The following ITGA8 variants were observed in gnomAD, a reference collection of about 807,000 sequenced individuals.
The protein encoded by ITGA8 is integrin alpha-8.
A neutral mutation model predicts 142.3 loss-of-function variants in ITGA8; 91 were observed. The ratio of observed to expected loss-of-function variants is 0.64; its 90% CI spans 0.54 to 0.76. ITGA8 has a LOEUF of 0.76. ITGA8 is among the 30% of genes least tolerant of loss of function. The probability of loss-of-function intolerance (pLI) is 0.00; values close to 1 mark genes in which losing one functional copy is unlikely to be tolerated. For missense variants in ITGA8, 1,406 were observed against 1,327.7 expected, an observed-to-expected ratio of 1.06 and a Z score of -0.92; for synonymous variants, 505 against 485.2, an observed-to-expected ratio of 1.04 and a Z score of -0.54.
At chr10:15,529,124 G>A (rs987271934) in intron 28 of ITGA8, among the ~76,000 whole-genome samples, 2 of 149,896 alleles carry the variant, frequency 1.3e-5, no homozygotes, top group Non-Finnish European at 3.0e-5. Flanking sequence ...ACGAGGTCTC[G>A]CCCAGGTTGA....
At chr10:15,665,314 C>A (rs1469148182) in intron 8 of ITGA8, among the ~76,000 whole-genome samples, 1 of 152,196 alleles carries the variant, frequency 6.6e-6, no homozygotes, top group Admixed American at 6.5e-5. Context: ...TAAATGTCTT[C>A]TTTTGAGAAA....
At chr10:15,670,988 C>A (rs1314647680) in intron 8 of ITGA8, among the ~76,000 whole-genome samples, 1 of 152,200 alleles carries the variant, frequency 6.6e-6, no homozygotes, top group African/African-American at 2.4e-5. Context: ...TTTCTTAACA[C>A]CACAGCTTTT....
intron 21 of ITGA8, chr10:15,596,847 G>A (rs543805641): frequency 5.3e-6 from 1 of 187,738 alleles, no homozygotes; most frequent in African/African-American, 2.3e-5. Context: ...GTCCTAATTT[G>A]GTTATTTTTA....
intron 16 of ITGA8, among the ~76,000 whole-genome samples, 172 bp from the exon 17 acceptor site, chr10:15,608,003 A>G (rs1266174649): frequency 6.6e-6 from 1 of 152,178 alleles, no homozygotes; most frequent in Non-Finnish European, 1.5e-5. Context: ...CAAGCTACAA[A>G]TGTTTTATAA....
chr10:15,542,913 C>A (rs2131553013), intron 27 of ITGA8, among the ~76,000 whole-genome samples: 1 of 152,282 alleles, frequency 6.6e-6, no homozygotes, highest in Middle Eastern at 3.4e-3. Flanking sequence ...AGACAAACAT[C>A]CCTCTTTGGA....
At chr10:15,664,552 C>A (rs1164583991) in intron 8 of ITGA8, among the ~76,000 whole-genome samples, 1 of 150,920 alleles carries the variant, frequency 6.6e-6, no homozygotes, top group Non-Finnish European at 1.5e-5. Context: ...TTTTAGGGTA[C>A]ATGTGCACAA....
intron 20 of ITGA8, among the ~76,000 whole-genome samples, 170 bp from the exon 21 acceptor site, chr10:15,597,469 A>G (rs1211674726): frequency 6.6e-6 from 1 of 152,214 alleles, no homozygotes; most frequent in Non-Finnish European, 1.5e-5. Flanking sequence ...GAGAGAGAAA[A>G]GTAAAAGTTA....
chr10:15,547,587 AC>A (rs1358254132), intron 27 of ITGA8, among the ~76,000 whole-genome samples: 3 of 152,076 alleles, frequency 2.0e-5, no homozygotes, highest in Non-Finnish European at 4.4e-5. Context: ...AGCAACAACA[AC>A]AAAAAAAAGT....
chr10:15,648,844 C>A (rs950081077), intron 11 of ITGA8, among the ~76,000 whole-genome samples: 4 of 152,182 alleles, frequency 2.6e-5, no homozygotes, highest in Non-Finnish European at 5.9e-5. Flanking sequence ...TGATAAGTGG[C>A]TTTAATGCAA....
chr10:15,670,927 C>T (rs564907217), intron 8 of ITGA8, among the ~76,000 whole-genome samples: 4 of 152,272 alleles, frequency 2.6e-5, no homozygotes, highest in South Asian at 2.1e-4. Context: ...AGAAGTTGGC[C>T]CCTGCCCCTT....
intron 4 of ITGA8, 120 bp downstream of exon 4, chr10:15,683,884 C>T (rs539811794): frequency 4.9e-4 from 584 of 1,183,528 alleles, no homozygotes; most frequent in Non-Finnish European, 6.1e-4. Flanking sequence ...TACCTACCCC[C>T]GAAGCTTTTT....
intron 4 of ITGA8, among the ~76,000 whole-genome samples, chr10:15,682,501 A>G (rs762474569): frequency 1.2e-4 from 19 of 152,186 alleles, no homozygotes; most frequent in East Asian, 1.9e-4. Context: ...TTACCTCAGT[A>G]TTTTTAAACA....
chr10:15,713,845 GTTTTC>G (rs1431271443), intron 2 of ITGA8, among the ~76,000 whole-genome samples: 2 of 151,816 alleles, frequency 1.3e-5, no homozygotes, highest in East Asian at 3.9e-4. Flanking sequence ...TCCATTTTAA[GTTTTC>G]TTTTCTTTTC....
At chr10:15,697,027 A>T (rs934927491) in intron 2 of ITGA8, among the ~76,000 whole-genome samples, 1 of 131,912 alleles carries the variant, frequency 7.6e-6, no homozygotes, top group Non-Finnish European at 1.6e-5. Context: ...TCTCAGAGTA[A>T]GTACTCTCTT....
chr10:15,517,303 C>A, intron 29 of ITGA8, 59 bp from the exon 30 acceptor site: 2 of 1,129,266 alleles, frequency 1.8e-6, no homozygotes, highest in Non-Finnish European at 2.6e-6. Context: ...TGAAACCCCT[C>A]ATTCAAAGAA....
At chr10:15,658,613 A>G (rs1834229644) in intron 10 of ITGA8, among the ~76,000 whole-genome samples, 1 of 152,082 alleles carries the variant, frequency 6.6e-6, no homozygotes, top group South Asian at 2.1e-4. Flanking sequence ...CTGTCTTGTC[A>G]TTCACATCTC....
intron 25 of ITGA8, 43 bp downstream of exon 25, chr10:15,572,168 A>G (rs1330199375): frequency 2.0e-6 from 3 of 1,480,846 alleles, no homozygotes; most frequent in Non-Finnish European, 2.7e-6. Context: ...TTCATACCAT[A>G]AAAATAAAAT....
intron 2 of ITGA8, among the ~76,000 whole-genome samples, chr10:15,715,771 G>A (rs1315876886): frequency 6.6e-6 from 1 of 152,228 alleles, no homozygotes; most frequent in Non-Finnish European, 1.5e-5. Flanking sequence ...TGTTCAGAAT[G>A]GAAATAGCTA....
At chr10:15,647,939 C>CA (rs1266330839) in intron 11 of ITGA8, among the ~76,000 whole-genome samples, 1 of 151,798 alleles carries the variant, frequency 6.6e-6, no homozygotes, top group Non-Finnish European at 1.5e-5. Context: ...TAGATTATAG[C>CA]AAAAAACTAA....
Sources: gnomAD v4.1 joint callset for allele counts (sites outside exome capture counted in the v4.1 genomes callset) on GRCh38, gnomAD v4.1.1 for gene constraint, MANE v1.5 for transcripts, NCBI Gene and HGNC (gene_info 2026-07-23, HGNC 2026-07-21) for gene names.